The following MDN1 variants were observed in gnomAD, a reference collection of about 807,000 sequenced individuals.
MDN1 encodes the protein midasin.
MDN1 carries 266 observed loss-of-function variants against 669.2 expected under a neutral mutation model. The observed-to-expected ratio is 0.40, with a 90% CI of 0.36 to 0.44. MDN1 has a LOEUF of 0.44. MDN1 is among the 20% of genes least tolerant of loss of function. The pLI, the probability that MDN1 is intolerant of heterozygous loss-of-function variation, is 1.00. For missense variants in MDN1, 5,940 were observed against 6,754.0 expected (o/e 0.88, Z 4.22); for synonymous variants, 2,385 against 2,457.1 (o/e 0.97, Z 0.87).
At chr6:89,741,006 G>A (rs1238065091) in intron 31 of MDN1, among the ~76,000 whole-genome samples, 3 of 152,132 alleles carry the variant, frequency 2.0e-5, no homozygotes, top group Non-Finnish European at 4.4e-5. Flanking sequence ...CCAAGGTGGG[G>A]AGATCACTTG....
At chr6:89,805,071 G>A (rs985015557) in intron 1 of MDN1, among the ~76,000 whole-genome samples, 3 of 149,336 alleles carry the variant, frequency 2.0e-5, no homozygotes, top group Non-Finnish European at 4.4e-5. Context: ...TCTAGTGCCC[G>A]GGTTCAGAAT....
intron 53 of MDN1, among the ~76,000 whole-genome samples, chr6:89,703,769 T>C (rs764788576): frequency 6.6e-6 from 1 of 152,128 alleles, no homozygotes; most frequent in South Asian, 2.1e-4. Context: ...TCCAGCATTA[T>C]GGGAGGCTGA....
At position 89,793,753 on chromosome 6, in the gene MDN1, C is replaced by A. The variant is rs766248404; in HGVS notation, c.855+9G>T. The A allele has an allele frequency of 6.2e-7, 1 of 1,610,674 alleles. No homozygotes were observed. On this transcript the variant is annotated intron_variant, in intron 5 of 101. Coordinates refer to ENST00000369393, the MANE Select transcript of MDN1 (RefSeq NM_014611.3). The stretch of plus-strand genomic sequence containing the variant: ...GAAGGGGACACACCCCCTACTGATA[C>A]CAACATACCAGCTCTCCAGGGGCTG...
chr6:89,740,112 C>T (rs1584295710), intron 32 of MDN1, 122 bp downstream of exon 32: 1 of 1,141,686 alleles, frequency 8.8e-7, no homozygotes, highest in Admixed American at 3.0e-5. Context: ...TGAGTTTTTA[C>T]ACTTTTTACC....
chr6:89,707,395 C>T lies in MDN1; in HGVS notation c.7980G>A (p.Glu2660=), dbSNP rs576974821. The change falls in exon 52 of 102, where the codon GAG becomes GAA. Residue 2660 remains glutamate (E), a synonymous_variant. Coordinates refer to ENST00000369393, the MANE Select transcript of MDN1 (RefSeq NM_014611.3). ...LVSVGSKKLR[E]SVLRMSFEFH... ...ATTCAAAGGACATTCTCAAAACACT[C>T]TCTCTTAGCTTTTTGCTACCAACAG... 1.2e-6 allele frequency: 2 copies of T among 1,613,790 alleles called. No individual in the cohort carries two copies. The highest frequency in any genetic ancestry group is 3.3e-5 in the Admixed American group (2 of 60,026).
chr6:89,713,134 A>G lies in MDN1; in HGVS notation c.7218+14T>C. Reference sequence around the variant, plus strand: ...TATTACAACTTAGAAACATTCTGCAATACTTCATAGTACCTTCCGGTTTGC... The same window carrying G: ...TATTACAACTTAGAAACATTCTGCAGTACTTCATAGTACCTTCCGGTTTGC... On this transcript the variant is annotated intron_variant, in intron 47 of 101. Transcript: ENST00000369393. 6.2e-7 allele frequency: 1 copy of G among 1,602,480 alleles called. No homozygotes were observed. The highest frequency in any genetic ancestry group is 1.1e-5 in the South Asian group (1 of 89,798).
At position 89,676,591 on chromosome 6, in the gene MDN1, A is replaced by C. The variant is rs148599789; in HGVS notation, c.12540-384T>G. Among the ~76,000 whole-genome samples, 305 of 152,320 alleles carry C rather than the reference A, an allele frequency of 2.0e-3. 1 individual carries two copies. The highest frequency in any genetic ancestry group is 7.2e-3 in the African/African-American group (301 of 41,578). The stretch of plus-strand genomic sequence containing the variant: ...CGTGGGGAAGACACAGGGGTTGTTG[A>C]GGGCTCAAGTAAGCTGGAGAGCATG... On this transcript the variant is annotated intron_variant, in intron 76 of 101. Coordinates refer to ENST00000369393, the MANE Select transcript of MDN1 (RefSeq NM_014611.3).
intron 66 of MDN1, 84 bp from the exon 67 acceptor site, chr6:89,688,257 G>T: frequency 8.0e-7 from 1 of 1,243,086 alleles, no homozygotes; most frequent in Non-Finnish European, 1.2e-6. Context: ...CTGACCAGAA[G>T]ATTCCCCCCA....
In MDN1 at chr6:89,749,484, C is replaced by A. The variant is rs532132794; in HGVS notation, c.3615+59G>T. 3.1e-6 allele frequency: 5 copies of A among 1,594,732 alleles called. No homozygotes were observed. The African/African-American group carries it at 6.7e-5, about 21-fold the overall frequency. On this transcript the variant is annotated intron_variant, in intron 25 of 101. Coordinates refer to ENST00000369393, the MANE Select transcript of MDN1 (RefSeq NM_014611.3). The stretch of plus-strand genomic sequence containing the variant: ...AAGTAAAAACATTTCATTCTTACTA[C>A]GAAAAATCTACTATCTGATGTGTTA...
Position 89,776,780 on chromosome 6 carries a change from G to A in MDN1, c.1726-85C>T, listed in dbSNP as rs1044868421. ...ACATCATTTTCCTGGCCACAAGAGGGAGAAACACAAAATCCAGCAGGAACA... is the reference window on the plus strand; with the variant it reads ...ACATCATTTTCCTGGCCACAAGAGGAAGAAACACAAAATCCAGCAGGAACA... On this transcript the variant is annotated intron_variant, in intron 11 of 101. Coordinates refer to ENST00000369393, the MANE Select transcript of MDN1 (RefSeq NM_014611.3). 42 of 953,562 alleles carry A rather than the reference G, an allele frequency of 4.4e-5. 1 individual carries two copies. Among genetic ancestry groups the A allele is most frequent in the Non-Finnish European group, 3.0e-6 (2 of 661,250 alleles). The allele number at this position is 953,562 out of a possible 1,614,324, so 59.1% of individuals were successfully genotyped here.
intron 96 of MDN1, 148 bp from the exon 97 acceptor site, chr6:89,650,346 T>C: frequency 1.3e-6 from 1 of 765,066 alleles, no homozygotes; most frequent in Non-Finnish European, 2.1e-6. Flanking sequence ...AATTGACGAC[T>C]AAGGATCTTC....
chr6:89,692,989 G>C lies in MDN1; in HGVS notation c.10041C>G (p.Leu3347=), dbSNP rs781466607. The change falls in exon 63 of 102, where the codon CTC becomes CTG. Residue 3347 remains leucine, a synonymous_variant. Coordinates refer to ENST00000369393, the MANE Select transcript of MDN1 (RefSeq NM_014611.3). ...IAKAPAVQDL[L]TRLLQALHID... ...TGTGGAGGGCCTGCAGAAGCCGTGT[G>C]AGCAGATCCTGAACAGCAGGGGCCT... The C allele has an allele frequency of 1.7e-5, 27 of 1,614,104 alleles. No homozygotes were observed. The highest frequency in any genetic ancestry group is 1.6e-4 in the Middle Eastern group (1 of 6,084).
At position 89,794,219 on chromosome 6, in the gene MDN1, G is replaced by C. The variant is rs776112267; in HGVS notation, c.555-12C>G. 1 of 1,456,164 alleles carries C rather than the reference G, an allele frequency of 6.9e-7. No homozygotes were observed. Among genetic ancestry groups the C allele is most frequent in the Admixed American group, 2.2e-5 (1 of 46,078 alleles). The allele number at this position is 1,456,164 out of a possible 1,614,324, so 90.2% of individuals were successfully genotyped here. A position where few individuals can be genotyped will look rare whatever the true frequency, so the allele number is the denominator to read the frequency against. On this transcript the variant is annotated splice_polypyrimidine_tract_variant and intron_variant, in intron 3 of 101. Transcript: ENST00000369393. ...AATTGGCTGTATACCTAGGGAAAAA[G>C]AAAGTATGTAAATTCAGTTTATCTG...
intron 57 of MDN1, 41 bp from the exon 58 acceptor site, chr6:89,699,768 A>C: frequency 6.2e-7 from 1 of 1,602,548 alleles, no homozygotes; most frequent in Non-Finnish European, 8.5e-7. Flanking sequence ...GGTATGGACT[A>C]TCAATGAACT....
At position 89,658,343 on chromosome 6, in the gene MDN1, T is replaced by C. The variant is rs375910560; in HGVS notation, c.15049A>G (p.Thr5017Ala). 1.1e-5 allele frequency: 18 copies of C among 1,614,084 alleles called. No individual in the cohort carries two copies. The African/African-American group carries it at 2.4e-4, about 22-fold the overall frequency. Residue 5017 changes from threonine (T) to alanine (A), a missense_variant, in exon 90 of 102, where the codon ACA becomes GCA. This residue lies in a region of MDN1 where 2,280 missense variants were observed against 2,576.3 expected (regional missense o/e 0.88). Transcript: ENST00000369393. The part of the protein sequence containing the change: ...QEEEEREDSD[T>A]EEQVPEALER... ...AAAGCCTCTGGCACCTGCTCCTCTG[T>C]ATCAGAGTCCTCCCGTTCTTCTTCC...
chr6:89,669,348 C>T (rs371582809), intron 83 of MDN1, among the ~76,000 whole-genome samples: 1 of 152,170 alleles, frequency 6.6e-6, no homozygotes, highest in Non-Finnish European at 1.5e-5. Context: ...CCACCAGAGG[C>T]GGAGAAACCT....
intron 77 of MDN1, 123 bp from the exon 78 acceptor site, chr6:89,675,702 A>G (rs748524701): frequency 1.4e-5 from 10 of 723,792 alleles, no homozygotes; most frequent in Non-Finnish European, 2.1e-5. Flanking sequence ...TGACATATTC[A>G]TTTTTTTGAG....
At chr6:89,791,993 G>T (rs1000723912) in intron 5 of MDN1, among the ~76,000 whole-genome samples, 5 of 145,152 alleles carry the variant, frequency 3.4e-5, no homozygotes, top group African/African-American at 1.0e-4. Context: ...TCAGCCTCCC[G>T]AGTAGCTGGG....
Position 89,690,720 on chromosome 6 carries a change from C to G in MDN1, c.10702G>C (p.Glu3568Gln), listed in dbSNP as rs781134917. The G allele has an allele frequency of 5.0e-6, 8 of 1,614,050 alleles. No individual in the cohort carries two copies. In the Admixed American group the frequency reaches 6.7e-5, roughly 13 times the overall value. Residue 3568 changes from glutamate (E) to glutamine (Q), a missense_variant, in exon 64 of 102, where the codon GAG (glutamate) becomes CAG (glutamine). By Grantham distance (29) the Glu-to-Gln change is conservative. This residue lies in a region of MDN1 where 2,280 missense variants were observed against 2,576.3 expected (regional missense o/e 0.88). Coordinates refer to ENST00000369393, the MANE Select transcript of MDN1 (RefSeq NM_014611.3). The stretch of plus-strand genomic sequence containing the variant: ...TTTCTGAACTCCCGTTCTTCCTCCT[C>G]CTCTTCACTCAGGGCTGTCCTAGAG... ...RNSRTALSEE[E>Q]EEEREFRKQF...
Sources: allele counts gnomAD v4.1 joint callset (sites outside exome capture counted in the v4.1 genomes callset), GRCh38; gene constraint gnomAD v4.1.1; regional missense constraint gnomAD v4.1.1; transcripts MANE v1.5; gene names NCBI Gene and HGNC (gene_info 2026-07-23, HGNC 2026-07-21).